Variants in NENF observed in about 807,000 individuals in gnomAD.
The protein encoded by NENF is neudesin neurotrophic factor.
In NENF, 6 loss-of-function variants were observed where a neutral mutation model predicts 14.8. The ratio of observed to expected loss-of-function variants is 0.40; its 90% confidence interval spans 0.22 to 0.80. The LOEUF (loss-of-function observed/expected upper bound fraction) is 0.80, where lower values mean the gene tolerates loss of function less well. NENF is among the 30% of genes least tolerant of loss of function. NENF has a pLI of 0.34. For missense variants in NENF, 184 were observed against 212.7 expected, an observed-to-expected ratio of 0.87 and a Z score of 0.84; for synonymous variants, 76 against 95.1, an observed-to-expected ratio of 0.80 and a Z score of 1.17.
intron 1 of NENF, among the ~76,000 whole-genome samples, chr1:212,441,362 A>G (rs1041126187): frequency 2.0e-5 from 3 of 152,232 alleles, no homozygotes; most frequent in Admixed American, 2.0e-4. Context: ...AAGTCACCAA[A>G]TTAGAAAGTA....
chr1:212,444,290 C>T, intron 2 of NENF, 49 bp from the exon 3 acceptor site: 1 of 1,330,048 alleles, frequency 7.5e-7, no homozygotes, highest in Non-Finnish European at 1.0e-6. Flanking sequence ...CTCCTGGTTA[C>T]TCTGCATGTA....
intron 3 of NENF, 110 bp downstream of exon 3, chr1:212,444,552 T>C: frequency 2.0e-6 from 1 of 492,166 alleles, no homozygotes; most frequent in East Asian, 3.8e-5. Context: ...TGTGTGTGTG[T>C]GTGTGTGTGT....
chr1:212,433,927 G>A lies in NENF; in HGVS notation c.177+807G>A, dbSNP rs938376006. 2.0e-5 allele frequency among the ~76,000 whole-genome samples: 3 copies of A among 152,288 alleles called. No homozygotes were observed. Among genetic ancestry groups the A allele is most frequent in the Admixed American group, 6.5e-5 (1 of 15,294 alleles). On this transcript the variant is annotated intron_variant, in intron 1 of 3. Transcript: ENST00000366988. This position sits in a 1 kb window ranked among gnomAD's most constrained non-coding sequence, Gnocchi z 5.5. ...GGTCATAGTACCATAGTATTTCAGA[G>A]CTGGCAGGAACCCATCTCCTGCTTT...
chr1:212,439,970 G>A (rs769571119), intron 1 of NENF, among the ~76,000 whole-genome samples: 7 of 151,892 alleles, frequency 4.6e-5, no homozygotes, highest in Non-Finnish European at 8.8e-5. Flanking sequence ...AATAAGTGTC[G>A]GCTGGGCATG....
rs1044431178 is a variant in NENF, at chr1:212,433,245, C to T, written c.177+125C>T. On this transcript the variant is annotated intron_variant, in intron 1 of 3. Transcript: ENST00000366988. The surrounding 1 kb of genome is among the most constrained non-coding windows in gnomAD (Gnocchi z 5.5). Reference sequence around the variant, plus strand: ...GGGGACGCGCGGCCCGCGGCGGGCGCCCTGGGCCGGCGGGGGGCCTCCTCT... The same window carrying T: ...GGGGACGCGCGGCCCGCGGCGGGCGTCCTGGGCCGGCGGGGGGCCTCCTCT... 2 of 509,488 alleles carry T rather than the reference C, an allele frequency of 3.9e-6. No homozygotes were observed. Among genetic ancestry groups the T allele is most frequent in the Non-Finnish European group, 5.6e-6 (2 of 357,892 alleles). The allele number at this position is 509,488 out of a possible 1,614,324, so 31.6% of individuals were successfully genotyped here.
At chr1:212,435,555 T>C (rs543427576) in intron 1 of NENF, among the ~76,000 whole-genome samples, 2 of 150,502 alleles carry the variant, frequency 1.3e-5, no homozygotes, top group African/African-American at 4.9e-5. Flanking sequence ...TCCTTTTTTT[T>C]TTTTTTTTTT....
intron 1 of NENF, among the ~76,000 whole-genome samples, chr1:212,436,670 A>G (rs1265535149): frequency 6.6e-6 from 1 of 152,198 alleles, no homozygotes; most frequent in Admixed American, 6.5e-5. Context: ...ATTTCCTTAT[A>G]TAAAGCCAAT....
chr1:212,440,993 G>A (rs948565179), intron 1 of NENF, among the ~76,000 whole-genome samples: 5 of 152,124 alleles, frequency 3.3e-5, no homozygotes, highest in Admixed American at 3.3e-4. Context: ...TCTTGTCTTG[G>A]GTGTCTTGGG....
chr1:212,442,695 G>T, intron 2 of NENF, 70 bp downstream of exon 2: 1 of 1,133,658 alleles, frequency 8.8e-7, no homozygotes, highest in Non-Finnish European at 1.3e-6. Flanking sequence ...GCACTTGGAG[G>T]TGTGAGGAAA....
chr1:212,440,817 A>G (rs1330846262), intron 1 of NENF, among the ~76,000 whole-genome samples: 1 of 152,154 alleles, frequency 6.6e-6, no homozygotes, highest in Non-Finnish European at 1.5e-5. Context: ...CATAAGCTGC[A>G]CAAGCGCAAG....
intron 1 of NENF, among the ~76,000 whole-genome samples, chr1:212,438,065 T>G (rs926407378): frequency 6.6e-6 from 1 of 152,116 alleles, no homozygotes; most frequent in Non-Finnish European, 1.5e-5. Flanking sequence ...GTAATTCTAG[T>G]AAGGGTTGTA....
chr1:212,434,385 C>T (rs1662571994), intron 1 of NENF, among the ~76,000 whole-genome samples: 1 of 152,186 alleles, frequency 6.6e-6, no homozygotes, highest in African/African-American at 2.4e-5. Flanking sequence ...ACGGTGGACT[C>T]ACTTGCCTAG....
chr1:212,444,458 A>G lies in NENF; in HGVS notation c.342+16A>G, dbSNP rs1308834494. 1.9e-6 allele frequency: 3 copies of G among 1,553,762 alleles called. No individual in the cohort carries two copies. The highest frequency in any genetic ancestry group is 2.6e-6 in the Non-Finnish European group (3 of 1,146,752). On this transcript the variant is annotated intron_variant, in intron 3 of 3. Transcript: ENST00000366988. ...CCATGACACTGTGAGCCAGATTATA[A>G]GCCTTTGTAAAATCCTCTACCTCCT...
intron 1 of NENF, among the ~76,000 whole-genome samples, chr1:212,441,228 A>C (rs1177172995): frequency 6.6e-6 from 1 of 152,180 alleles, no homozygotes; most frequent in East Asian, 1.9e-4. Context: ...ACAAACTAAT[A>C]AAATATAAAC....
intron 1 of NENF, among the ~76,000 whole-genome samples, chr1:212,436,100 A>G (rs1436644041): frequency 1.3e-5 from 2 of 152,182 alleles, no homozygotes; most frequent in Non-Finnish European, 2.9e-5. Context: ...CAGAGGTGGA[A>G]GAAAACCCAC....
At chr1:212,442,869 G>T (rs984589443) in intron 2 of NENF, among the ~76,000 whole-genome samples, 13 of 152,086 alleles carry the variant, frequency 8.5e-5, no homozygotes. Flanking sequence ...AGCCTCCCGA[G>T]TAGCTGGGAT....
chr1:212,444,495 T>C, intron 3 of NENF, 53 bp downstream of exon 3: 1 of 1,192,178 alleles, frequency 8.4e-7, no homozygotes, highest in Non-Finnish European at 1.2e-6. Context: ...GTCCATGCCT[T>C]TTTCTCTTTT....
At position 212,445,956 on chromosome 1, in the gene NENF, G is replaced by T. The variant is rs746897675; in HGVS notation, c.469G>T (p.Asp157Tyr). Residue 157 changes from aspartate to tyrosine, a missense_variant, in exon 4 of 4, where the codon GAC becomes TAC. Transcript: ENST00000366988. ...CAATGAGGATGGCAGCCCTAACCTG[G>T]ACTTCAAGCCTGAAGACCAGCCCCA... ...ILNEDGSPNL[D>Y]FKPEDQPHFD... is the part of the protein sequence containing the mutation. 6.2e-7 allele frequency: 1 copy of T among 1,614,198 alleles called. No homozygotes were observed. The highest frequency in any genetic ancestry group is 1.1e-5 in the South Asian group (1 of 91,088).
chr1:212,444,555 G>C (rs867917667), intron 3 of NENF, 113 bp downstream of exon 3: 1 of 486,798 alleles, frequency 2.1e-6, no homozygotes, highest in Non-Finnish European at 3.3e-6. Context: ...GTGTGTGTGT[G>C]TGTGTGTGTG....
Sources: allele counts gnomAD v4.1 joint callset (sites outside exome capture counted in the v4.1 genomes callset), GRCh38; gene constraint gnomAD v4.1.1; non-coding constraint Gnocchi (gnomAD v3.1); transcripts MANE v1.5; gene names NCBI Gene and HGNC (gene_info 2026-07-23, HGNC 2026-07-21).